The following CERS3 variants were observed in gnomAD, a reference collection of about 807,000 sequenced individuals.
CERS3 encodes the protein LAG1 homolog, ceramide synthase 3.
Under a neutral mutation model 50.3 loss-of-function variants are expected in CERS3, and 33 were observed. The observed-to-expected ratio is 0.66, with a 90% confidence interval of 0.50 to 0.88. The LOEUF (loss-of-function observed/expected upper bound fraction) is 0.88. Ranked by LOEUF, CERS3 falls within the 40% of genes least tolerant of loss-of-function variation. The pLI is 0.00. For missense variants in CERS3, 470 were observed against 460.3 expected, an observed-to-expected ratio of 1.02 and a Z score of -0.19; for synonymous variants, 176 against 155.2, an observed-to-expected ratio of 1.13 and a Z score of -0.99.
At chr15:100,493,864 T>C (rs2035725656) in intron 3 of CERS3, among the ~76,000 whole-genome samples, 1 of 152,138 alleles carries the variant, frequency 6.6e-6, no homozygotes, top group Admixed American at 6.5e-5. Flanking sequence ...TCAATTACTT[T>C]ATTGATGTTC....
rs891028193 is a variant in CERS3 at position 100,422,851 on chromosome 15, C to T, written c.1000-19986G>A. On this transcript the variant is annotated intron_variant, in intron 11 of 11. Coordinates refer to ENST00000679737, the MANE Select transcript of CERS3 (RefSeq NM_001378789.1). ...ATCGCAAGAACAAAAAACCAAACAC[C>T]GCATATTCTCACTCACAGGTGGGAA... Among the ~76,000 whole-genome samples, 30 of 141,088 alleles carry T rather than the reference C, an allele frequency of 2.1e-4. No individual in the cohort carries two copies. The South Asian group carries it at 2.6e-3, about 12-fold the overall frequency. The allele number at this position is 141,088 out of a possible 152,430, so 92.6% of individuals were successfully genotyped here.
intron 8 of CERS3, 73 bp downstream of exon 8, chr15:100,476,013 A>C: frequency 1.1e-6 from 1 of 943,528 alleles, no homozygotes; most frequent in Non-Finnish European, 1.6e-6. Context: ...CAACTTAAAG[A>C]TTAGAATTTG....
At chr15:100,411,858 A>C (rs1178226660) in intron 11 of CERS3, among the ~76,000 whole-genome samples, 2 of 152,112 alleles carry the variant, frequency 1.3e-5, no homozygotes, top group African/African-American at 4.8e-5. Context: ...CCTAATGATT[A>C]GTTATGATGA....
intron 11 of CERS3, among the ~76,000 whole-genome samples, chr15:100,455,035 A>G (rs1422413958): frequency 1.3e-5 from 2 of 152,318 alleles, no homozygotes; most frequent in East Asian, 3.9e-4. Flanking sequence ...CTACAATGAG[A>G]TATCATCTCA....
chr15:100,417,746 A>T (rs2032059912), intron 11 of CERS3, among the ~76,000 whole-genome samples: 1 of 151,886 alleles, frequency 6.6e-6, no homozygotes, highest in South Asian at 2.1e-4. Context: ...GAACGGGCAG[A>T]CTGCCTCCTC....
At chr15:100,490,323 G>A (rs532672070) in intron 4 of CERS3, among the ~76,000 whole-genome samples, 2 of 152,112 alleles carry the variant, frequency 1.3e-5, no homozygotes, top group Middle Eastern at 3.4e-3. Flanking sequence ...GAGAATAGTC[G>A]GGGCACAGCA....
intron 11 of CERS3, among the ~76,000 whole-genome samples, chr15:100,451,229 G>A (rs182348961): frequency 9.9e-5 from 15 of 151,910 alleles, no homozygotes; most frequent in African/African-American, 2.9e-4. Flanking sequence ...AAGAAACAAA[G>A]GATATACAGA....
At chr15:100,529,116 A>G (rs1008065848), upstream of CERS3, 10 of 152,346 alleles carry the variant, frequency 6.6e-5, no homozygotes, top group African/African-American at 2.4e-4. Flanking sequence ...ACATTGAGTT[A>G]CAAATGCATC....
At chr15:100,489,575 T>G (rs1434733127) in intron 4 of CERS3, among the ~76,000 whole-genome samples, 1 of 151,918 alleles carries the variant, frequency 6.6e-6, no homozygotes, top group Non-Finnish European at 1.5e-5. Context: ...ATTACTAAAG[T>G]TAGTTGTTCC....
At chr15:100,514,996 CTG>C (rs759029943) in intron 2 of CERS3, among the ~76,000 whole-genome samples, 2 of 152,140 alleles carry the variant, frequency 1.3e-5, no homozygotes, top group Non-Finnish European at 2.9e-5. Flanking sequence ...TATGAAGAAA[CTG>C]AGTCCCAGGG....
intron 1 of CERS3, among the ~76,000 whole-genome samples, chr15:100,524,676 T>C (rs2036735302): frequency 6.6e-6 from 1 of 152,210 alleles, no homozygotes; most frequent in Admixed American, 6.5e-5. Context: ...TAATCATATG[T>C]CAAACAAGAA....
chr15:100,449,267 G>A (rs2034064035), intron 11 of CERS3, among the ~76,000 whole-genome samples: 1 of 152,212 alleles, frequency 6.6e-6, no homozygotes, highest in Admixed American at 6.5e-5. Context: ...CCTGGGGACT[G>A]GCCGTCCTAT....
At chr15:100,465,027 G>C (rs954287974) in intron 10 of CERS3, among the ~76,000 whole-genome samples, 1 of 151,992 alleles carries the variant, frequency 6.6e-6, no homozygotes, top group Non-Finnish European at 1.5e-5. Flanking sequence ...TCAAAGAAAG[G>C]GCAAGGGAAA....
At position 100,402,804 on chromosome 15, in the gene CERS3, T is replaced by C; in HGVS notation, c.1061A>G (p.Glu354Gly). The C allele has an allele frequency of 6.2e-7, 1 of 1,614,034 alleles. No individual in the cohort carries two copies. Among genetic ancestry groups the C allele is most frequent in the Non-Finnish European group, 8.5e-7 (1 of 1,179,962 alleles). The change falls in exon 12 of 12, where the codon GAA (glutamate) becomes GGA (glycine). Residue 354 changes from glutamate (E) to glycine (G), a missense_variant. Glu to Gly is a moderately conservative substitution (Grantham distance 98). Transcript: ENST00000679737. ...CATCTCTTTGCCTTTGGTAGCCTCTTCTTCTTCCTCTTCCTCTTCCTCTTC... is the reference window on the plus strand; with the variant it reads ...CATCTCTTTGCCTTTGGTAGCCTCTCCTTCTTCCTCTTCCTCTTCCTCTTC... ...DYEEEEEEEE[E>G]EATKGKEMDC...
intron 3 of CERS3, among the ~76,000 whole-genome samples, chr15:100,495,608 T>C (rs910675951): frequency 6.6e-6 from 1 of 152,202 alleles, no homozygotes; most frequent in Non-Finnish European, 1.5e-5. Flanking sequence ...CTCAAATCTT[T>C]TGCCTATTTT....
chr15:100,439,361 T>G (rs2033575141), intron 11 of CERS3, among the ~76,000 whole-genome samples: 1 of 152,226 alleles, frequency 6.6e-6, no homozygotes, highest in African/African-American at 2.4e-5. Context: ...CATTATTTTG[T>G]AACTTGCTAC....
chr15:100,458,252 T>C (rs144230083), intron 10 of CERS3, among the ~76,000 whole-genome samples: 2 of 152,340 alleles, frequency 1.3e-5, no homozygotes, highest in African/African-American at 4.8e-5. Context: ...TTAGTAGCTC[T>C]ATTTCTTCTT....
intron 2 of CERS3, chr15:100,503,886 C>A: frequency 2.6e-6 from 1 of 378,538 alleles, no homozygotes; most frequent in Non-Finnish European, 5.4e-6. Context: ...AAAGTGAGCC[C>A]CAGAGAGAAG....
At chr15:100,538,713 G>T (rs1431817383) in intron 1 of CERS3, among the ~76,000 whole-genome samples, 1 of 152,188 alleles carries the variant, frequency 6.6e-6, no homozygotes, top group Non-Finnish European at 1.5e-5. Flanking sequence ...CTGCTGTTAA[G>T]ACCCCTGACA....
Sources: gnomAD v4.1 joint callset for allele counts (sites outside exome capture counted in the v4.1 genomes callset) on GRCh38, gnomAD v4.1.1 for gene constraint, MANE v1.5 for transcripts, NCBI Gene and HGNC (gene_info 2026-07-23, HGNC 2026-07-21) for gene names.